The following CAMK4 variants were observed in gnomAD, a reference collection of about 807,000 sequenced individuals.
The protein encoded by CAMK4 is calcium/calmodulin dependent protein kinase IV.
CAMK4 carries 22 observed loss-of-function variants against 44.9 expected under a neutral mutation model. The observed-to-expected ratio is 0.49, with a 90% CI of 0.35 to 0.70. The LOEUF is 0.70. Ranked by LOEUF, CAMK4 falls within the 30% of genes least tolerant of loss-of-function variation. The probability of loss-of-function intolerance (pLI) is 0.01; values close to 1 mark genes in which losing one functional copy is unlikely to be tolerated. For synonymous variants in CAMK4, 218 were observed against 215.4 expected, an observed-to-expected ratio of 1.01 and a Z score of -0.11; for missense variants, 498 against 586.8, an observed-to-expected ratio of 0.85 and a Z score of 1.56.
chr5:111,252,714 ACT>A (rs1451361485), intron 1 of CAMK4, among the ~76,000 whole-genome samples: 1 of 152,126 alleles, frequency 6.6e-6, no homozygotes, highest in African/African-American at 2.4e-5. Context: ...AAAAACTTTG[ACT>A]CTATTATTTG....
chr5:111,342,626 T>C (rs1330768998), intron 1 of CAMK4, among the ~76,000 whole-genome samples: 1 of 151,598 alleles, frequency 6.6e-6, no homozygotes, highest in East Asian at 1.9e-4. Context: ...ACATTTAATG[T>C]AATTATATGA....
intron 1 of CAMK4, among the ~76,000 whole-genome samples, chr5:111,296,601 A>C (rs1309310042): frequency 6.6e-6 from 1 of 152,248 alleles, no homozygotes; most frequent in East Asian, 1.9e-4. Flanking sequence ...ATTCATATAA[A>C]TAGGACAACT....
At chr5:111,432,342 T>A (rs904651266) in intron 5 of CAMK4, among the ~76,000 whole-genome samples, 2 of 152,020 alleles carry the variant, frequency 1.3e-5, no homozygotes, top group Non-Finnish European at 2.9e-5. Context: ...AGAAGGATGG[T>A]TACCAGAGGC....
intron 2 of CAMK4, among the ~76,000 whole-genome samples, chr5:111,362,113 C>T (rs941570863): frequency 1.3e-5 from 2 of 151,992 alleles, no homozygotes; most frequent in African/African-American, 4.8e-5. Flanking sequence ...TAGGAAATTT[C>T]ACACATACTC....
At chr5:111,292,755 G>A (rs979073844) in intron 1 of CAMK4, among the ~76,000 whole-genome samples, 1 of 151,788 alleles carries the variant, frequency 6.6e-6, no homozygotes, top group African/African-American at 2.4e-5. Context: ...CACCCTGTCT[G>A]TAACAATAAT....
At chr5:111,315,327 G>C (rs1013423384) in intron 1 of CAMK4, among the ~76,000 whole-genome samples, 2 of 152,084 alleles carry the variant, frequency 1.3e-5, no homozygotes, top group African/African-American at 4.8e-5. Context: ...GCCTGGTGCA[G>C]TTTAATGAAT....
intron 5 of CAMK4, among the ~76,000 whole-genome samples, chr5:111,443,279 T>TATATATACAC (rs1401315422): frequency 2.7e-5 from 1 of 37,462 alleles, no homozygotes; most frequent in Non-Finnish European, 5.4e-5. Flanking sequence ...TATATATATA[T>TATATATACAC]ACACACACAC....
At chr5:111,429,396 T>A (rs1433798892) in intron 5 of CAMK4, among the ~76,000 whole-genome samples, 1 of 151,914 alleles carries the variant, frequency 6.6e-6, no homozygotes, top group Non-Finnish European at 1.5e-5. Flanking sequence ...AATGGACAAG[T>A]TCCTAGATAC....
At chr5:111,423,328 A>G (rs1019007252) in intron 5 of CAMK4, among the ~76,000 whole-genome samples, 5 of 152,244 alleles carry the variant, frequency 3.3e-5, no homozygotes, top group African/African-American at 1.2e-4. Context: ...AATTTTATAG[A>G]ACTTGACATG....
At chr5:111,296,373 T>C (rs953597541) in intron 1 of CAMK4, among the ~76,000 whole-genome samples, 2 of 152,238 alleles carry the variant, frequency 1.3e-5, no homozygotes, top group Admixed American at 1.3e-4. Flanking sequence ...ATTTATATTA[T>C]AGAAGTCATA....
At chr5:111,240,225 G>A (rs1210871193) in intron 1 of CAMK4, among the ~76,000 whole-genome samples, 1 of 150,742 alleles carries the variant, frequency 6.6e-6, no homozygotes, top group African/African-American at 2.4e-5. Flanking sequence ...ATTCTTCACC[G>A]GGAAGTTAAA....
intron 4 of CAMK4, among the ~76,000 whole-genome samples, chr5:111,384,188 C>T (rs1293058945): frequency 6.6e-6 from 1 of 152,118 alleles, no homozygotes; most frequent in Non-Finnish European, 1.5e-5. Flanking sequence ...AGAAAAAGGG[C>T]TTTTGAGGAG....
In CAMK4 at chr5:111,489,790, T is replaced by C. The variant is rs745924589; in HGVS notation, c.*5324T>C. 6.6e-6 allele frequency: 1 copy of C among 152,244 alleles called. No individual in the cohort carries two copies. The highest frequency in any genetic ancestry group is 1.5e-5 in the Non-Finnish European group (1 of 68,052). 9.4% of individuals were successfully genotyped at this position (152,244 alleles called of 1,614,324 possible). A position where few individuals can be genotyped will look rare whatever the true frequency, so the allele number is the denominator to read the frequency against. On this transcript the variant is annotated 3_prime_UTR_variant, in exon 11 of 11. Coordinates refer to ENST00000282356, the MANE Select transcript of CAMK4 (RefSeq NM_001744.6). ...TTGGTATATTGTCATTGGTCAGTAA[T>C]GGAAAAATGAGATTCCACCAGTGGG...
chr5:111,246,348 T>C (rs1749239322), intron 1 of CAMK4, among the ~76,000 whole-genome samples: 1 of 152,200 alleles, frequency 6.6e-6, no homozygotes, highest in Admixed American at 6.5e-5. Flanking sequence ...TGTTCCCTTT[T>C]ATCAGTTAGG....
At chr5:111,233,874 C>A (rs191711056) in intron 1 of CAMK4, among the ~76,000 whole-genome samples, 1 of 152,184 alleles carries the variant, frequency 6.6e-6, no homozygotes, top group African/African-American at 2.4e-5. Flanking sequence ...ACTCATATTT[C>A]GACTATAGCA....
rs1755555722 is a variant in CAMK4, at chr5:111,484,719, C to CT, written c.*255dup. ...TCTTGCAAGTTAACACAACGTAACA[C>CT]TTAAAAGCATACATTTTCAGCAACC... On this transcript the variant is annotated 3_prime_UTR_variant, in exon 11 of 11. Coordinates refer to ENST00000282356, the MANE Select transcript of CAMK4 (RefSeq NM_001744.6). This position sits in a 1 kb window ranked among gnomAD's most constrained non-coding sequence, Gnocchi z 5.3. 1 of 329,840 alleles carries CT rather than the reference C, an allele frequency of 3.0e-6. No individual in the cohort carries two copies. Among genetic ancestry groups the CT allele is most frequent in the South Asian group, 1.5e-4 (1 of 6,486 alleles). The allele number at this position is 329,840 out of a possible 1,614,324, so 20.4% of individuals were successfully genotyped here. A position where few individuals can be genotyped will look rare whatever the true frequency, so the allele number is the denominator to read the frequency against.
chr5:111,404,705 G>C (rs185754393), intron 5 of CAMK4, among the ~76,000 whole-genome samples: 110 of 152,248 alleles, frequency 7.2e-4, no homozygotes, highest in African/African-American at 2.5e-3. Flanking sequence ...CTGCAAAAGG[G>C]AGGAAGTATA....
chr5:111,475,337 G>A (rs1010837131), intron 8 of CAMK4, among the ~76,000 whole-genome samples: 1 of 152,108 alleles, frequency 6.6e-6, no homozygotes, highest in Admixed American at 6.5e-5. Context: ...GTACTGGGAG[G>A]CATTAAGTAT....
intron 5 of CAMK4, among the ~76,000 whole-genome samples, chr5:111,430,878 C>G (rs1478085848): frequency 6.6e-6 from 1 of 151,888 alleles, no homozygotes; most frequent in Non-Finnish European, 1.5e-5. Flanking sequence ...CCTTACTACC[C>G]AAGGCAATCT....
Sources: allele counts gnomAD v4.1 joint callset (sites outside exome capture counted in the v4.1 genomes callset), GRCh38; gene constraint gnomAD v4.1.1; non-coding constraint Gnocchi (gnomAD v3.1); transcripts MANE v1.5; gene names NCBI Gene and HGNC (gene_info 2026-07-23, HGNC 2026-07-21).